CNBD1: variants seen among roughly 807,000 people sequenced by gnomAD.
CNBD1 encodes cyclic nucleotide-binding domain-containing protein 1.
In CNBD1, 71 loss-of-function variants were observed where a neutral mutation model predicts 54.4. The observed-to-expected ratio is 1.30, with a 90% CI of 1.08 to 1.59. The LOEUF (loss-of-function observed/expected upper bound fraction) is 1.59. Among genes scored for constraint, CNBD1 ranks in the 40% most tolerant of loss-of-function variants. The pLI is 0.00. For missense variants in CNBD1, 659 were observed against 518.0 expected (o/e 1.27, Z -2.64); for synonymous variants, 182 against 170.7 (o/e 1.07, Z -0.51).
chr8:87,146,001 A>G (rs1812478818), intron 4 of CNBD1, among the ~76,000 whole-genome samples: 1 of 152,162 alleles, frequency 6.6e-6, no homozygotes, highest in Non-Finnish European at 1.5e-5. Flanking sequence ...TTTAGAGATT[A>G]GGACTTATTT....
At chr8:86,995,654 C>A (rs1808854397) in intron 4 of CNBD1, among the ~76,000 whole-genome samples, 1 of 151,486 alleles carries the variant, frequency 6.6e-6, no homozygotes, top group Non-Finnish European at 1.5e-5. Flanking sequence ...GGTAGCAAAA[C>A]TGGGGCATAT....
In CNBD1 at chr8:87,404,586, T is replaced by A. The variant is rs573402075; in HGVS notation, c.214-23960T>A. ...ACGCTGGTCAAATTAGTGCTAAATT[T>A]GTTGCATGTAGAAGTGGTTCTTTTT... On this transcript the variant is annotated intron_variant, in intron 2 of 7. Coordinates refer to the CNBD1 transcript ENST00000521593. Among the ~76,000 whole-genome samples, 4 of 152,232 alleles carry A rather than the reference T, an allele frequency of 2.6e-5. No homozygotes were observed. The South Asian group carries it at 8.3e-4, about 32-fold the overall frequency.
chr8:87,211,013 C>A (rs1265723969), intron 5 of CNBD1, among the ~76,000 whole-genome samples: 1 of 152,136 alleles, frequency 6.6e-6, no homozygotes. Flanking sequence ...GGGGCCATAC[C>A]CTGCAGAGAC....
chr8:87,345,159 A>G (rs1810144468), intron 8 of CNBD1, among the ~76,000 whole-genome samples: 1 of 152,194 alleles, frequency 6.6e-6, no homozygotes, highest in South Asian at 2.1e-4. Flanking sequence ...CAGGCTGAAC[A>G]TACTTTCCCT....
intron 2 of CNBD1, among the ~76,000 whole-genome samples, chr8:87,426,669 C>G (rs1808056443): frequency 6.6e-6 from 1 of 152,144 alleles, no homozygotes; most frequent in African/African-American, 2.4e-5. Flanking sequence ...TGTGGCGCGG[C>G]TACCTATCTG....
intron 8 of CNBD1, among the ~76,000 whole-genome samples, chr8:87,302,614 T>C (rs967455223): frequency 6.6e-6 from 1 of 151,864 alleles, no homozygotes; most frequent in East Asian, 1.9e-4. Flanking sequence ...CTATTCAACA[T>C]AGTGTTGGAA....
At chr8:87,393,476 T>G (rs1032395475) in intron 2 of CNBD1, among the ~76,000 whole-genome samples, 4 of 151,914 alleles carry the variant, frequency 2.6e-5, no homozygotes, top group Non-Finnish European at 5.9e-5. Context: ...GAGTTCACTT[T>G]TTTTACAAAG....
At chr8:87,306,105 C>A (rs1388691179) in intron 8 of CNBD1, among the ~76,000 whole-genome samples, 1 of 152,080 alleles carries the variant, frequency 6.6e-6, no homozygotes, top group Non-Finnish European at 1.5e-5. Context: ...CATGAATAGA[C>A]AATTCCCAAA....
chr8:87,271,924 C>T (rs1216029693), intron 6 of CNBD1, among the ~76,000 whole-genome samples: 1 of 151,640 alleles, frequency 6.6e-6, no homozygotes, highest in African/African-American at 2.4e-5. Flanking sequence ...GTTAATCAGC[C>T]ATAAAAAAAT....
At chr8:87,287,700 A>G (rs1030755996) in intron 8 of CNBD1, among the ~76,000 whole-genome samples, 4 of 152,142 alleles carry the variant, frequency 2.6e-5, no homozygotes, top group Admixed American at 2.6e-4. Context: ...TCAGCATACC[A>G]GGAGTTCTTT....
chr8:87,401,529 T>C (rs1365525556), intron 2 of CNBD1, among the ~76,000 whole-genome samples: 1 of 152,072 alleles, frequency 6.6e-6, no homozygotes, highest in Non-Finnish European at 1.5e-5. Flanking sequence ...ATGAACATTA[T>C]GCATTGTTTA....
At position 87,266,360 on chromosome 8, in the gene CNBD1, G is replaced by A. The variant is rs74718277; in HGVS notation, c.772-18318G>A. Among the ~76,000 whole-genome samples the A allele has an allele frequency of 2.5e-4, 36 of 142,922 alleles. No homozygotes were observed. In the East Asian group the frequency reaches 7.3e-3, roughly 29 times the overall value. The allele number at this position is 142,922 out of a possible 152,430, so 93.8% of individuals were successfully genotyped here. The stretch of plus-strand genomic sequence containing the variant: ...ATAAAGCTATAATAATTAATACTGG[G>A]CACTAGCGACTGATAGGTAAGCACA... On this transcript the variant is annotated intron_variant, in intron 6 of 10. Transcript: ENST00000518476.
chr8:87,274,659 C>G lies in CNBD1; in HGVS notation c.772-10019C>G, dbSNP rs1221664650. 4.5e-5 allele frequency among the ~76,000 whole-genome samples: 6 copies of G among 133,614 alleles called. 2 individuals carry two copies. Among genetic ancestry groups the G allele is most frequent in the Non-Finnish European group, 6.4e-5 (4 of 62,476 alleles). 87.7% of individuals were successfully genotyped at this position (133,614 alleles called of 152,430 possible). A position where few individuals can be genotyped will look rare whatever the true frequency, so the allele number is the denominator to read the frequency against. ...AATTTGTTTGAGTTCATTGTAGTTT[C>G]TGGATATTAGCCCTTTGTCAGATGA... On this transcript the variant is annotated intron_variant, in intron 6 of 10. Transcript: ENST00000518476.
intron 4 of CNBD1, among the ~76,000 whole-genome samples, chr8:86,982,727 A>G (rs1002757628): frequency 6.6e-6 from 1 of 152,188 alleles, no homozygotes; most frequent in Non-Finnish European, 1.5e-5. Flanking sequence ...AGTGTGAGTT[A>G]TCCCATCTTA....
At chr8:87,015,077 A>G (rs1809325040) in intron 4 of CNBD1, among the ~76,000 whole-genome samples, 1 of 152,230 alleles carries the variant, frequency 6.6e-6, no homozygotes, top group Non-Finnish European at 1.5e-5. Flanking sequence ...TTAAAAAGAA[A>G]TCATAATCTT....
intron 4 of CNBD1, among the ~76,000 whole-genome samples, chr8:87,172,175 A>ATTAGAATTAATAATAAT: frequency 1.3e-5 from 2 of 152,040 alleles, no homozygotes; most frequent in East Asian, 3.9e-4. Flanking sequence ...ATTCTTGTTA[A>ATTAGAATTAATAATAAT]TAATAATAAG....
chr8:87,194,653 T>C (rs1412320560), intron 4 of CNBD1, among the ~76,000 whole-genome samples: 1 of 152,124 alleles, frequency 6.6e-6, no homozygotes, highest in Non-Finnish European at 1.5e-5. Flanking sequence ...TTTTGACTAA[T>C]GTTAATATGT....
At chr8:87,285,825 G>A (rs754018455) in intron 7 of CNBD1, among the ~76,000 whole-genome samples, 4 of 152,146 alleles carry the variant, frequency 2.6e-5, no homozygotes, top group African/African-American at 7.2e-5. Context: ...AGGAAAGATC[G>A]CACCATTGCA....
At chr8:87,244,096 G>A (rs1487726813) in intron 6 of CNBD1, among the ~76,000 whole-genome samples, 2 of 152,068 alleles carry the variant, frequency 1.3e-5, no homozygotes, top group Non-Finnish European at 1.5e-5. Flanking sequence ...GGTGTTCAGG[G>A]CACACCTTGG....
Sources: allele counts gnomAD v4.1 joint callset (sites outside exome capture counted in the v4.1 genomes callset), GRCh38; gene constraint gnomAD v4.1.1; transcripts MANE v1.5; gene names NCBI Gene and HGNC (gene_info 2026-07-23, HGNC 2026-07-21).